SLC2A14: variants seen among roughly 807,000 people sequenced by gnomAD.
SLC2A14 encodes solute carrier family 2, facilitated glucose transporter member 14.
In SLC2A14, 13 loss-of-function variants were observed where a neutral mutation model predicts 43.0. That is an observed-to-expected ratio of 0.30 (90% CI 0.20 to 0.48). SLC2A14 has a LOEUF of 0.48. SLC2A14 is among the 20% of genes least tolerant of loss of function. The pLI is 0.99. For synonymous variants in SLC2A14, 190 were observed against 233.8 expected, an observed-to-expected ratio of 0.81 and a Z score of 1.71; for missense variants, 428 against 620.4, an observed-to-expected ratio of 0.69 and a Z score of 3.29.
chr12:7,848,230 T>C (rs2120909852), intron 2 of SLC2A14, among the ~76,000 whole-genome samples: 1 of 152,248 alleles, frequency 6.6e-6, no homozygotes, highest in African/African-American at 2.4e-5. Context: ...TTTTCCACTT[T>C]GTTTTCTTGC....
At chr12:7,884,406 G>C (rs948662674) in intron 1 of SLC2A14, among the ~76,000 whole-genome samples, 1 of 152,050 alleles carries the variant, frequency 6.6e-6, no homozygotes, top group Non-Finnish European at 1.5e-5. Flanking sequence ...TTTGTAAAAA[G>C]CTTTTAATAC....
Position 7,838,479 on chromosome 12 carries a change from C to T in SLC2A14, c.19-5665G>A, listed in dbSNP as rs140257516. ...TCTTCTTTCTTATTTCCCCCATTTC[C>T]CCCTTTTGCAATGGGAATGTCTAGC... On this transcript the variant is annotated intron_variant, in intron 2 of 10. Transcript: ENST00000431042. Among the ~76,000 whole-genome samples, 501 of 152,208 alleles carry T rather than the reference C, an allele frequency of 3.3e-3. 3 individuals are homozygous for T. Among genetic ancestry groups the T allele is most frequent in the African/African-American group, 0.011 (471 of 41,518 alleles).
At chr12:7,846,931 C>T (rs1866519860) in intron 2 of SLC2A14, among the ~76,000 whole-genome samples, 1 of 149,750 alleles carries the variant, frequency 6.7e-6, no homozygotes, top group Non-Finnish European at 1.5e-5. Context: ...CACGTCTGGT[C>T]CTGAATATTC....
At chr12:7,889,202 G>T (rs1945736532) in intron 1 of SLC2A14, among the ~76,000 whole-genome samples, 1 of 149,028 alleles carries the variant, frequency 6.7e-6, no homozygotes, top group Non-Finnish European at 1.5e-5. Context: ...CTACTCCATA[G>T]ACAGAGTAGC....
intron 1 of SLC2A14, among the ~76,000 whole-genome samples, chr12:7,883,863 A>G (rs987111250): frequency 6.6e-6 from 1 of 151,810 alleles, no homozygotes; most frequent in Non-Finnish European, 1.5e-5. Context: ...GATTACAGGC[A>G]TGAGCCACCA....
intron 1 of SLC2A14, among the ~76,000 whole-genome samples, chr12:7,886,319 G>A (rs995874859): frequency 1.3e-5 from 2 of 150,554 alleles, no homozygotes; most frequent in African/African-American, 2.4e-5. Flanking sequence ...GTGCCACCTC[G>A]CCCAGCTAAT....
Position 7,832,742 on chromosome 12 carries a change from C to G in SLC2A14, c.91G>C (p.Val31Leu). Reference protein sequence around the residue: ...GSFQFGYNTGVINAPETIIKE... With the variant: ...GSFQFGYNTGLINAPETIIKE... Reference sequence around the variant, plus strand: ...CTCACCGTCTCAGGAGCATTGATGACCCCAGTGTTGTAGCCAAACTGGAAA... The same window carrying G: ...CTCACCGTCTCAGGAGCATTGATGAGCCCAGTGTTGTAGCCAAACTGGAAA... The change falls in exon 3 of 11, where the codon GTC becomes CTC. Residue 31 changes from valine to leucine, a missense_variant. Val to Leu is a conservative substitution (Grantham distance 32). Coordinates refer to ENST00000431042, the MANE Select transcript of SLC2A14 (RefSeq NM_001286234.2). The G allele has an allele frequency of 6.2e-7, 1 of 1,614,126 alleles. No individual in the cohort carries two copies. Among genetic ancestry groups the G allele is most frequent in the Non-Finnish European group, 8.5e-7 (1 of 1,180,006 alleles).
chr12:7,827,243 G>A (rs1159854547), intron 7 of SLC2A14, among the ~76,000 whole-genome samples: 1 of 141,708 alleles, frequency 7.1e-6, no homozygotes, highest in Non-Finnish European at 1.5e-5. Context: ...CCTGAGTAGC[G>A]CACCACCACG....
At chr12:7,880,334 AAAC>A (rs139151460) in intron 1 of SLC2A14, among the ~76,000 whole-genome samples, 14,654 of 151,308 alleles carry the variant, frequency 0.097, 773 homozygotes, top group East Asian at 0.17. Context: ...TTTTAAAAAG[AAAC>A]AACAACAACA....
At chr12:7,873,078 C>A (rs947356710), upstream of SLC2A14, 5 of 985,502 alleles carry the variant, frequency 5.1e-6, no homozygotes, top group African/African-American at 7.0e-5. Context: ...CCCGGCTTCT[C>A]ACCTGCGCAC....
chr12:7,882,510 A>G (rs1480667214), intron 1 of SLC2A14, among the ~76,000 whole-genome samples: 1 of 151,926 alleles, frequency 6.6e-6, no homozygotes, highest in Non-Finnish European at 1.5e-5. Context: ...ACGGAGCGAA[A>G]CTTACCTCTC....
At chr12:7,828,941 G>A in intron 5 of SLC2A14, 75 bp from the exon 6 acceptor site, 1 of 1,559,766 alleles carries the variant, frequency 6.4e-7, no homozygotes, top group South Asian at 1.2e-5. Context: ...ACAAAAAGTT[G>A]GCTGGGCGCA....
At chr12:7,839,901 G>A (rs1204858629) in intron 2 of SLC2A14, 6 of 388,230 alleles carry the variant, frequency 1.5e-5, no homozygotes, top group Admixed American at 6.3e-5. Context: ...CAGCCTGGGC[G>A]ACACAAGGAG....
intron 2 of SLC2A14, chr12:7,860,415 G>A (rs191417413): frequency 6.6e-6 from 1 of 152,162 alleles, no homozygotes; most frequent in South Asian, 2.1e-4. Flanking sequence ...GGAACTAGTT[G>A]GTCAGGATAG....
intron 1 of SLC2A14, among the ~76,000 whole-genome samples, chr12:7,880,373 G>C (rs987681526): frequency 6.6e-6 from 1 of 151,378 alleles, no homozygotes; most frequent in Non-Finnish European, 1.5e-5. Context: ...AAAAATCAAA[G>C]CTGAGGCAGG....
At chr12:7,825,351 T>C (rs905968107) in intron 7 of SLC2A14, among the ~76,000 whole-genome samples, 2 of 150,406 alleles carry the variant, frequency 1.3e-5, no homozygotes, top group Non-Finnish European at 3.0e-5. Context: ...TTCCAGCTAC[T>C]TGGGAGGCTG....
At chr12:7,874,738 A>T (rs1279261670), upstream of SLC2A14, among the ~76,000 whole-genome samples, 54 of 3,758 alleles carry the variant, frequency 0.014, no homozygotes, top group South Asian at 0.18. Context: ...AAAATATATA[A>T]AAATATATAT....
chr12:7,815,964 A>C (rs1863411409), intron 10 of SLC2A14, among the ~76,000 whole-genome samples: 1 of 148,218 alleles, frequency 6.7e-6, no homozygotes, highest in Admixed American at 6.7e-5. Context: ...GCAATGGTGC[A>C]AGCTTGGCTC....
chr12:7,865,515 C>A (rs888764198), intron 2 of SLC2A14, among the ~76,000 whole-genome samples: 2 of 150,288 alleles, frequency 1.3e-5, no homozygotes, highest in Non-Finnish European at 3.0e-5. Context: ...CCAGCCTGGG[C>A]GGCAGAGTGA....
Sources: allele counts gnomAD v4.1 joint callset (sites outside exome capture counted in the v4.1 genomes callset), GRCh38; gene constraint gnomAD v4.1.1; transcripts MANE v1.5; gene names NCBI Gene and HGNC (gene_info 2026-07-23, HGNC 2026-07-21).